Variants in MTR observed in about 807,000 individuals in gnomAD.
The protein encoded by MTR is methionine synthase.
MTR carries 84 observed loss-of-function variants against 154.8 expected under a neutral mutation model. That is an observed-to-expected ratio of 0.54 (90% confidence interval 0.45 to 0.65). MTR has a LOEUF of 0.65. Among genes scored for constraint, MTR ranks in the 30% least tolerant of loss-of-function variants. The probability of loss-of-function intolerance (pLI) is 0.00; values close to 1 mark genes in which losing one functional copy is unlikely to be tolerated. For synonymous variants in MTR, 554 were observed against 553.9 expected, an observed-to-expected ratio of 1.00 and a Z score of 0.00; for missense variants, 1,275 against 1,570.2, an observed-to-expected ratio of 0.81 and a Z score of 3.18.
chr1:236,885,371 C>T, intron 26 of MTR, 152 bp downstream of exon 26: 1 of 647,660 alleles, frequency 1.5e-6, no homozygotes, highest in Non-Finnish European at 2.7e-6. Context: ...AATCAGAGGT[C>T]TTCAGTGTCT....
chr1:236,877,759 G>A (rs966810239), intron 24 of MTR, among the ~76,000 whole-genome samples: 1 of 152,100 alleles, frequency 6.6e-6, no homozygotes, highest in Non-Finnish European at 1.5e-5. Context: ...AAGCAGAATT[G>A]CCAGATCATA....
In MTR at chr1:236,810,561, C is replaced by T. The variant is rs1292333359; in HGVS notation, c.468C>T (p.Ser156=). The T allele has an allele frequency of 6.2e-7, 1 of 1,613,748 alleles. No homozygotes were observed. The highest frequency in any genetic ancestry group is 8.5e-7 in the Non-Finnish European group (1 of 1,179,806). ...LGPTNKTLSV[S]PSVERPDYRN... ...CGACTAATAAGACACTCTCTGTGTC[C>T]CCATCTGTGGAAAGGCCGGATTATA... Residue 156 remains serine (S), a synonymous_variant, in exon 5 of 33, where the codon TCC becomes TCT. Coordinates refer to ENST00000366577, the MANE Select transcript of MTR (RefSeq NM_000254.3).
chr1:236,824,040 T>C, intron 8 of MTR, 79 bp from the exon 9 acceptor site: 5 of 1,204,758 alleles, frequency 4.2e-6, no homozygotes, highest in East Asian at 2.3e-5. Flanking sequence ...GTTTTAGATA[T>C]ATTGTCTCCA....
At chr1:236,799,347 C>T (rs1246495345) in intron 1 of MTR, among the ~76,000 whole-genome samples, 1 of 151,266 alleles carries the variant, frequency 6.6e-6, no homozygotes, top group Non-Finnish European at 1.5e-5. Context: ...TGTTTTCGAA[C>T]TCGTGGACTC....
intron 32 of MTR, 30 bp from the exon 33 acceptor site, chr1:236,897,528 G>A: frequency 6.3e-7 from 1 of 1,596,004 alleles, no homozygotes. Context: ...TATCATGTTG[G>A]TTTAATAAAA....
At chr1:236,834,543 G>A (rs1662792776) in intron 13 of MTR, among the ~76,000 whole-genome samples, 1 of 151,986 alleles carries the variant, frequency 6.6e-6, no homozygotes, top group African/African-American at 2.4e-5. Flanking sequence ...TACATGTGGT[G>A]TTTCCTTGTA....
intron 24 of MTR, among the ~76,000 whole-genome samples, chr1:236,876,168 C>T (rs779304277): frequency 1.3e-5 from 2 of 152,188 alleles, no homozygotes; most frequent in African/African-American, 2.4e-5. Flanking sequence ...GATACCATGG[C>T]CTAGCCAAGT....
At chr1:236,891,429 C>T in intron 29 of MTR, 100 bp downstream of exon 29, 1 of 1,190,490 alleles carries the variant, frequency 8.4e-7, no homozygotes, top group Non-Finnish European at 1.2e-6. Flanking sequence ...TTCACCTCCT[C>T]CCAAATGACC....
At chr1:236,888,005 T>C (rs1021983823) in intron 27 of MTR, among the ~76,000 whole-genome samples, 1 of 152,292 alleles carries the variant, frequency 6.6e-6, no homozygotes, top group African/African-American at 2.4e-5. Flanking sequence ...CATAATAGGA[T>C]ATTTCCAAAG....
At chr1:236,821,629 C>G (rs1661955866) in intron 8 of MTR, among the ~76,000 whole-genome samples, 1 of 152,080 alleles carries the variant, frequency 6.6e-6, no homozygotes, top group Non-Finnish European at 1.5e-5. Flanking sequence ...TACCTAAAAA[C>G]TCATTGCCAA....
chr1:236,802,775 G>A (rs1399576891), intron 1 of MTR, among the ~76,000 whole-genome samples: 1 of 152,194 alleles, frequency 6.6e-6, no homozygotes, highest in East Asian at 1.9e-4. Flanking sequence ...CAAGTTTTCA[G>A]TGACTCCAGT....
At chr1:236,825,834 T>C (rs1662258663) in intron 10 of MTR, among the ~76,000 whole-genome samples, 1 of 152,246 alleles carries the variant, frequency 6.6e-6, no homozygotes, top group Admixed American at 6.5e-5. Context: ...TACTATCCAC[T>C]GCTGCTTCTT....
chr1:236,888,811 A>G (rs16834519), intron 27 of MTR, among the ~76,000 whole-genome samples: 11,933 of 152,190 alleles, frequency 0.078, 946 homozygotes, highest in African/African-American at 0.21. Context: ...CTTACTCTCC[A>G]TGTCTTTCTG....
In MTR at chr1:236,874,895, C is replaced by G. The variant is rs756396230; in HGVS notation, c.2594+49C>G. The G allele has an allele frequency of 3.7e-6, 6 of 1,600,202 alleles. No homozygotes were observed. In the East Asian group the frequency reaches 1.4e-4, roughly 36 times the overall value. The stretch of plus-strand genomic sequence containing the variant: ...TCCTCACTTCAAATTTTCTTATATG[C>G]CAGTGTTTGAAACAGTGGGAAACCT... On this transcript the variant is annotated intron_variant, in intron 24 of 32. Transcript: ENST00000366577.
intron 8 of MTR, chr1:236,820,482 G>A (rs1661866777): frequency 1.5e-6 from 2 of 1,368,316 alleles, no homozygotes; most frequent in African/African-American, 1.5e-5. Context: ...CACTGCTCAG[G>A]CCACTGAATA....
intron 20 of MTR, 74 bp from the exon 21 acceptor site, chr1:236,862,161 CA>C: frequency 2.4e-6 from 3 of 1,252,704 alleles, no homozygotes; most frequent in Admixed American, 3.4e-5. Context: ...AATGTGTGCC[CA>C]AATTTCACAA....
chr1:236,820,694 T>C lies in MTR; in HGVS notation c.765-3425T>C, dbSNP rs867129340. On this transcript the variant is annotated intron_variant, in intron 8 of 32. Coordinates refer to ENST00000366577, the MANE Select transcript of MTR (RefSeq NM_000254.3). Reference sequence around the variant, plus strand: ...GCAAGGAGGGGATTGCTGTATCTTATGGTAAGACTGTGTATCTTGTGAGAA... The same window carrying C: ...GCAAGGAGGGGATTGCTGTATCTTACGGTAAGACTGTGTATCTTGTGAGAA... 3.8e-4 allele frequency among the ~76,000 whole-genome samples: 58 copies of C among 152,274 alleles called. 1 individual carries two copies. Among genetic ancestry groups the C allele is most frequent in the Non-Finnish European group, 1.2e-4 (8 of 68,022 alleles).
intron 1 of MTR, among the ~76,000 whole-genome samples, chr1:236,802,606 T>G (rs1660757242): frequency 6.6e-6 from 1 of 151,982 alleles, no homozygotes; most frequent in Non-Finnish European, 1.5e-5. Context: ...TTGAGGAGCC[T>G]CCAACAGAAA....
At position 236,810,545 on chromosome 1, in the gene MTR, A is replaced by G. The variant is rs2103039190; in HGVS notation, c.452A>G (p.Lys151Arg). 6.2e-7 allele frequency: 1 copy of G among 1,613,926 alleles called. No individual in the cohort carries two copies. The highest frequency in any genetic ancestry group is 8.5e-7 in the Non-Finnish European group (1 of 1,179,838). ...GCAGGGGCTCTGGGTCCGACTAATA[A>G]GACACTCTCTGTGTCCCCATCTGTG... The part of the protein sequence containing the change: ...FVAGALGPTN[K>R]TLSVSPSVER... Residue 151 changes from lysine (K) to arginine (R), a missense_variant, in exon 5 of 33, where the codon AAG becomes AGG. Physicochemically the swap from Lys to Arg is conservative, Grantham distance 26. Transcript: ENST00000366577.
Sources: allele counts gnomAD v4.1 joint callset (sites outside exome capture counted in the v4.1 genomes callset), GRCh38; gene constraint gnomAD v4.1.1; transcripts MANE v1.5; gene names NCBI Gene and HGNC (gene_info 2026-07-23, HGNC 2026-07-21).